APP: variants seen among roughly 807,000 people sequenced by gnomAD.
APP encodes amyloid beta precursor protein.
APP carries 31 observed loss-of-function variants against 101.4 expected under a neutral mutation model. The observed-to-expected ratio is 0.31, with a 90% CI of 0.23 to 0.41. The LOEUF (loss-of-function observed/expected upper bound fraction) is 0.41. APP is among the 10% of genes least tolerant of loss of function. APP has a pLI of 1.00. For synonymous variants in APP, 366 were observed against 364.4 expected (o/e 1.00, Z -0.05); for missense variants, 839 against 1,003.7 (o/e 0.84, Z 2.22).
intron 5 of APP, among the ~76,000 whole-genome samples, chr21:26,045,227 AAT>A: frequency 2.0e-5 from 3 of 151,938 alleles, no homozygotes; most frequent in Middle Eastern, 3.4e-3. Context: ...ATGAGCTGTC[AAT>A]GTTTTAAATA....
At chr21:25,893,620 A>G (rs568563003) in intron 16 of APP, among the ~76,000 whole-genome samples, 74 of 152,360 alleles carry the variant, frequency 4.9e-4, no homozygotes, top group African/African-American at 1.7e-3. Context: ...AAGGCCCACA[A>G]CTGTCTTCAA....
chr21:25,882,318 T>C (rs45561739), intron 17 of APP, among the ~76,000 whole-genome samples: 11 of 150,580 alleles, frequency 7.3e-5, no homozygotes, highest in Non-Finnish European at 1.0e-4. Flanking sequence ...AAGGAGAGGT[T>C]TGAGAATCAA....
At chr21:25,951,136 T>C (rs903149619) in intron 13 of APP, among the ~76,000 whole-genome samples, 2 of 302 alleles carry the variant, frequency 6.6e-3, no homozygotes, top group Non-Finnish European at 0.014. Context: ...CAATGGAAGA[T>C]ACAAGGCCAG....
At chr21:25,953,927 C>G (rs2041200675) in intron 13 of APP, among the ~76,000 whole-genome samples, 1 of 152,150 alleles carries the variant, frequency 6.6e-6, no homozygotes, top group Non-Finnish European at 1.5e-5. Flanking sequence ...TGCATGAGAC[C>G]TCTCTGTACT....
chr21:25,906,047 G>A (rs759058130), intron 14 of APP, among the ~76,000 whole-genome samples: 3 of 152,130 alleles, frequency 2.0e-5, no homozygotes, highest in Non-Finnish European at 4.4e-5. Flanking sequence ...AAGGAGACAC[G>A]GTGTGCTCGA....
chr21:26,163,025 C>T (rs2063525630), intron 1 of APP, among the ~76,000 whole-genome samples: 1 of 146,204 alleles, frequency 6.8e-6, no homozygotes, highest in Admixed American at 6.9e-5. Flanking sequence ...GTCAGGAGTT[C>T]GAGACCACCC....
chr21:26,129,938 T>A (rs1326894145), intron 1 of APP, among the ~76,000 whole-genome samples: 2 of 152,226 alleles, frequency 1.3e-5, no homozygotes, highest in South Asian at 2.1e-4. Flanking sequence ...AAAATAGTAC[T>A]ACACATGCCT....
At chr21:25,914,584 T>C (rs214487) in intron 13 of APP, among the ~76,000 whole-genome samples, 96,895 of 136,744 alleles carry the variant, frequency 0.71, 38,758 homozygotes, top group Non-Finnish European at 0.89. Flanking sequence ...GACGGAGTCT[T>C]GCTCTGTCGC....
intron 6 of APP, among the ~76,000 whole-genome samples, chr21:26,003,272 A>G (rs1022184652): frequency 1.3e-5 from 2 of 152,262 alleles, no homozygotes; most frequent in African/African-American, 4.8e-5. Flanking sequence ...CTACACGTTG[A>G]GCCTACAACT....
At chr21:25,908,955 C>T (rs1327320686) in intron 14 of APP, among the ~76,000 whole-genome samples, 3 of 151,962 alleles carry the variant, frequency 2.0e-5, no homozygotes, top group Non-Finnish European at 2.9e-5. Context: ...AGATGATGGC[C>T]GTCTATTTTA....
chr21:25,897,450 C>A, intron 16 of APP, 123 bp downstream of exon 16: 1 of 828,782 alleles, frequency 1.2e-6, no homozygotes, highest in Non-Finnish European at 2.1e-6. Flanking sequence ...CATGGTAATC[C>A]TATAGGCAAG....
chr21:25,950,616 A>T (rs994992643), intron 13 of APP, among the ~76,000 whole-genome samples: 1 of 152,026 alleles, frequency 6.6e-6, no homozygotes, highest in Non-Finnish European at 1.5e-5. Context: ...TCCTGACCTC[A>T]GGTGATCCAC....
chr21:26,096,838 T>C (rs1232194567), intron 2 of APP, among the ~76,000 whole-genome samples: 1 of 151,486 alleles, frequency 6.6e-6, no homozygotes, highest in Non-Finnish European at 1.5e-5. Flanking sequence ...CAAAAAACCA[T>C]GGGTGGACTC....
chr21:26,168,677 T>A (rs902085083), intron 1 of APP, among the ~76,000 whole-genome samples: 1 of 152,230 alleles, frequency 6.6e-6, no homozygotes, highest in Non-Finnish European at 1.5e-5. Context: ...TAATCTGTAG[T>A]AAGACCATTC....
At chr21:25,888,454 A>C (rs2037481985) in intron 17 of APP, among the ~76,000 whole-genome samples, 1 of 152,150 alleles carries the variant, frequency 6.6e-6, no homozygotes, top group Non-Finnish European at 1.5e-5. Flanking sequence ...CTATTTCAAC[A>C]TTGCTGTACA....
chr21:26,149,024 G>A (rs1301131512), intron 1 of APP, among the ~76,000 whole-genome samples: 1 of 152,192 alleles, frequency 6.6e-6, no homozygotes, highest in South Asian at 2.1e-4. Flanking sequence ...GAATTGGGAG[G>A]GGGAGAGAAG....
intron 13 of APP, among the ~76,000 whole-genome samples, chr21:25,931,550 T>G (rs183357299): frequency 1.2e-3 from 179 of 152,182 alleles, no homozygotes; most frequent in African/African-American, 3.7e-3. Flanking sequence ...CTGGAGATTA[T>G]AAAAGACTAA....
At position 26,136,130 on chromosome 21, in the gene APP, C is replaced by CAAA. The variant is rs566248174; in HGVS notation, c.58-23987_58-23985dup. 6.0e-5 allele frequency among the ~76,000 whole-genome samples: 3 copies of CAAA among 50,394 alleles called. 1 individual carries two copies. The highest frequency in any genetic ancestry group is 2.1e-4 in the African/African-American group (1 of 4,804). The allele number at this position is 50,394 out of a possible 152,430, so 33.1% of individuals were successfully genotyped here. A position where few individuals can be genotyped will look rare whatever the true frequency, so the allele number is the denominator to read the frequency against. ...TGGGCAACAGAGTGAGACTCTGTCTCAAAAAAGAAAAAAGAAAAGAAAAGA... is the reference window on the plus strand; with the variant it reads ...TGGGCAACAGAGTGAGACTCTGTCTCAAAAAAAAAGAAAAAAGAAAAGAAAAGA... On this transcript the variant is annotated intron_variant, in intron 1 of 17. Coordinates refer to ENST00000346798, the MANE Select transcript of APP (RefSeq NM_000484.4).
At chr21:25,992,257 G>A (rs911990112) in intron 8 of APP, among the ~76,000 whole-genome samples, 3 of 151,976 alleles carry the variant, frequency 2.0e-5, no homozygotes, top group African/African-American at 4.8e-5. Context: ...GGTGGCAGGC[G>A]CCTGTCATTC....
Sources: allele counts gnomAD v4.1 joint callset (sites outside exome capture counted in the v4.1 genomes callset), GRCh38; gene constraint gnomAD v4.1.1; transcripts MANE v1.5; gene names NCBI Gene and HGNC (gene_info 2026-07-23, HGNC 2026-07-21).